Variants in MCHR2 observed in about 807,000 individuals in gnomAD.
The protein encoded by MCHR2 is melanin concentrating hormone receptor 2, also known as melanin-concentrating hormone receptor 2.
A neutral mutation model predicts 24.8 loss-of-function variants in MCHR2; 15 were observed. The ratio of observed to expected loss-of-function variants is 0.60; its 90% CI spans 0.40 to 0.93. The LOEUF is 0.93. Ranked by LOEUF, MCHR2 falls within the 40% of genes least tolerant of loss-of-function variation. MCHR2 has a pLI of 0.00. For synonymous variants in MCHR2, 151 were observed against 147.6 expected, an observed-to-expected ratio of 1.02 and a Z score of -0.17; for missense variants, 386 against 408.7, an observed-to-expected ratio of 0.94 and a Z score of 0.48.
chr6:99,950,981 A>G (rs1003053404), intron 2 of MCHR2, among the ~76,000 whole-genome samples: 2 of 152,142 alleles, frequency 1.3e-5, no homozygotes, highest in African/African-American at 2.4e-5. Flanking sequence ...ACCAGTGGGA[A>G]CTGGAGAGTA....
At chr6:99,952,586 C>T (rs1463585630) in intron 2 of MCHR2, among the ~76,000 whole-genome samples, 2 of 151,834 alleles carry the variant, frequency 1.3e-5, no homozygotes, top group African/African-American at 2.4e-5. Flanking sequence ...TTTAATTCAC[C>T]TGTCTGTTCA....
chr6:99,970,177 C>T (rs1252456184), intron 1 of MCHR2, among the ~76,000 whole-genome samples: 1 of 151,304 alleles, frequency 6.6e-6, no homozygotes, highest in East Asian at 1.9e-4. Flanking sequence ...GTCCCACCAA[C>T]AGTGTAAAAG....
intron 1 of MCHR2, among the ~76,000 whole-genome samples, chr6:99,962,014 G>T (rs1188533232): frequency 6.6e-6 from 1 of 152,058 alleles, no homozygotes; most frequent in Non-Finnish European, 1.5e-5. Context: ...CTCAGCATAT[G>T]ATTTTTAAAA....
At chr6:99,967,932 G>A (rs1337221087) in intron 1 of MCHR2, among the ~76,000 whole-genome samples, 2 of 152,092 alleles carry the variant, frequency 1.3e-5, no homozygotes, top group Non-Finnish European at 2.9e-5. Flanking sequence ...ACATTATAGT[G>A]TCTATAGCAA....
chr6:99,964,506 C>G (rs943596356), intron 1 of MCHR2, among the ~76,000 whole-genome samples: 12 of 152,090 alleles, frequency 7.9e-5, no homozygotes, highest in Non-Finnish European at 1.8e-4. Context: ...GAAGCAGGCA[C>G]CTTCTTCACA....
At chr6:99,939,467 C>G (rs1774730949) in intron 4 of MCHR2, among the ~76,000 whole-genome samples, 1 of 152,030 alleles carries the variant, frequency 6.6e-6, no homozygotes, top group Non-Finnish European at 1.5e-5. Context: ...TACATTTTAA[C>G]TCCATTCCCC....
chr6:99,944,941 C>T (rs1344740386), intron 3 of MCHR2, among the ~76,000 whole-genome samples: 1 of 152,172 alleles, frequency 6.6e-6, no homozygotes, highest in Non-Finnish European at 1.5e-5. Flanking sequence ...ACTTGCTGCT[C>T]TACCTGCCTG....
chr6:99,982,462 G>T (rs1428081572), intron 1 of MCHR2, among the ~76,000 whole-genome samples: 2 of 41,890 alleles, frequency 4.8e-5, no homozygotes, highest in Non-Finnish European at 8.1e-5. Context: ...AACCTTGTCT[G>T]TACAGAAAAA....
rs7762646 is a variant in MCHR2, at chr6:99,971,276, G to T, written c.-27-15102C>A. On this transcript the variant is annotated intron_variant, in intron 1 of 5. Coordinates refer to ENST00000281806, the MANE Select transcript of MCHR2 (RefSeq NM_001040179.2). Reference sequence around the variant, plus strand: ...AGTTCTCCTTGAAGAGGTCCTTCATGTCCCTTGTAAGTTGGATTCCTAGGT... The same window carrying T: ...AGTTCTCCTTGAAGAGGTCCTTCATTTCCCTTGTAAGTTGGATTCCTAGGT... Among the ~76,000 whole-genome samples the T allele has an allele frequency of 2.7e-5, 4 of 150,248 alleles. No individual in the cohort carries two copies. In the East Asian group the frequency reaches 7.8e-4, roughly 29 times the overall value.
chr6:99,918,982 G>A lies in MCHR2; in HGVS notation c.*1958C>T, dbSNP rs1336255868. Among the ~76,000 whole-genome samples the A allele has an allele frequency of 6.6e-6, 1 of 152,098 alleles. No homozygotes were observed. Among genetic ancestry groups the A allele is most frequent in the African/African-American group, 2.4e-5 (1 of 41,402 alleles). ...TTTCTGTATTAAAAAAACAATGAAA[G>A]TAAGCAATTGCTCTTCAATTATCAC... On this transcript the variant is annotated 3_prime_UTR_variant, in exon 6 of 6. Coordinates refer to ENST00000281806, the MANE Select transcript of MCHR2 (RefSeq NM_001040179.2).
intron 1 of MCHR2, among the ~76,000 whole-genome samples, chr6:99,979,187 G>A (rs895653690): frequency 4.6e-5 from 7 of 152,138 alleles, no homozygotes; most frequent in African/African-American, 1.4e-4. Context: ...TCTGACATAT[G>A]GAAGTCCAGT....
At chr6:99,965,147 A>G (rs551238673) in intron 1 of MCHR2, among the ~76,000 whole-genome samples, 1 of 152,262 alleles carries the variant, frequency 6.6e-6, no homozygotes, top group East Asian at 1.9e-4. Flanking sequence ...TCTGCAGGTT[A>G]TAATAACAGT....
At position 99,969,865 on chromosome 6, in the gene MCHR2, TC is replaced by T. The variant is rs541366399; in HGVS notation, c.-27-13692del. ...CTGAGAATGATGGTTTCCAGTTTCATCCATGTCCCTACAAAGGACATGAACT... is the reference window on the plus strand; with the variant it reads ...CTGAGAATGATGGTTTCCAGTTTCATCATGTCCCTACAAAGGACATGAACT... On this transcript the variant is annotated intron_variant, in intron 1 of 5. Transcript: ENST00000281806. Among the ~76,000 whole-genome samples, 926 of 151,748 alleles carry T rather than the reference TC, an allele frequency of 6.1e-3. 11 individuals carry two copies. Among genetic ancestry groups the T allele is most frequent in the African/African-American group, 0.022 (890 of 41,378 alleles).
chr6:99,959,591 G>C (rs1775137633), intron 1 of MCHR2, among the ~76,000 whole-genome samples: 1 of 79,416 alleles, frequency 1.3e-5, no homozygotes. Flanking sequence ...CCACCATAAA[G>C]GTGATTGATA....
At chr6:99,944,343 C>T (rs1355056123) in intron 3 of MCHR2, among the ~76,000 whole-genome samples, 1 of 152,138 alleles carries the variant, frequency 6.6e-6, no homozygotes, top group Non-Finnish European at 1.5e-5. Context: ...AAAAGCACAG[C>T]TTTGCTGGGA....
intron 1 of MCHR2, among the ~76,000 whole-genome samples, chr6:99,971,679 A>G (rs919139096): frequency 6.6e-6 from 1 of 152,190 alleles, no homozygotes; most frequent in Admixed American, 6.5e-5. Context: ...CCCATTCAAC[A>G]TGATATTTGC....
At chr6:99,972,170 A>C (rs538300190) in intron 1 of MCHR2, among the ~76,000 whole-genome samples, 76 of 149,990 alleles carry the variant, frequency 5.1e-4, no homozygotes, top group African/African-American at 1.8e-3. Context: ...GGTAGAATTC[A>C]GCTGTGAATC....
intron 1 of MCHR2, among the ~76,000 whole-genome samples, chr6:99,993,512 T>G (rs554351919): frequency 4.0e-4 from 61 of 152,206 alleles, no homozygotes; most frequent in Non-Finnish European, 7.9e-4. Flanking sequence ...CCCGAACTCT[T>G]AGCAAACAAG....
At chr6:99,921,852 C>T (rs557604397) in intron 5 of MCHR2, among the ~76,000 whole-genome samples, 10 of 152,194 alleles carry the variant, frequency 6.6e-5, no homozygotes, top group African/African-American at 2.2e-4. Flanking sequence ...TTTTAGATCC[C>T]ACAAATGTGT....
Sources: allele counts gnomAD v4.1 joint callset (sites outside exome capture counted in the v4.1 genomes callset), GRCh38; gene constraint gnomAD v4.1.1; transcripts MANE v1.5; gene names NCBI Gene and HGNC (gene_info 2026-07-23, HGNC 2026-07-21).